The following LRRTM4 variants were observed in gnomAD, a reference collection of about 807,000 sequenced individuals.
LRRTM4 encodes leucine rich repeat transmembrane neuronal 4.
Under a neutral mutation model 47.6 loss-of-function variants are expected in LRRTM4, and 25 were observed. That is an observed-to-expected ratio of 0.53 (90% CI 0.38 to 0.73). LRRTM4 has a LOEUF of 0.73. Ranked by LOEUF, LRRTM4 falls within the 30% of genes least tolerant of loss-of-function variation. The probability of loss-of-function intolerance (pLI) is 0.00; values close to 1 mark genes in which losing one functional copy is unlikely to be tolerated. For synonymous variants in LRRTM4, 311 were observed against 269.5 expected (o/e 1.15, Z -1.51); for missense variants, 638 against 713.4 (o/e 0.89, Z 1.20).
At chr2:77,430,900 G>C (rs1348542247) in intron 3 of LRRTM4, among the ~76,000 whole-genome samples, 2 of 148,192 alleles carry the variant, frequency 1.3e-5, no homozygotes, top group East Asian at 3.9e-4. Context: ...AATCAGATGG[G>C]GGCCCAGATA....
Position 76,807,382 on chromosome 2 carries a change from T to TTATATATATA in LRRTM4, c.1552-58476_1552-58467dup, listed in dbSNP as rs72365054. Among the ~76,000 whole-genome samples, 7 of 126,872 alleles carry TTATATATATA rather than the reference T, an allele frequency of 5.5e-5. No homozygotes were observed. The Admixed American group carries it at 6.0e-4, about 11-fold the overall frequency. The allele number at this position is 126,872 out of a possible 152,430, so 83.2% of individuals were successfully genotyped here. A position where few individuals can be genotyped will look rare whatever the true frequency, so the allele number is the denominator to read the frequency against. ...AGAATATGCATTATAAACATTCATTTTATATATATATATATATGTATATAC... is the reference window on the plus strand; with the variant it reads ...AGAATATGCATTATAAACATTCATTTTATATATATATATATATATATATATATGTATATAC... On this transcript the variant is annotated intron_variant, in intron 3 of 3. Coordinates refer to ENST00000409884, the MANE Select transcript of LRRTM4 (RefSeq NM_001134745.3).
intron 3 of LRRTM4, among the ~76,000 whole-genome samples, chr2:76,913,823 A>T (rs1379972390): frequency 6.6e-6 from 1 of 151,862 alleles, no homozygotes; most frequent in Non-Finnish European, 1.5e-5. Flanking sequence ...ACAGGCGTGA[A>T]CCACCATGCC....
chr2:76,882,852 G>A (rs528986108), intron 3 of LRRTM4, among the ~76,000 whole-genome samples: 1 of 152,188 alleles, frequency 6.6e-6, no homozygotes, highest in East Asian at 1.9e-4. Context: ...ACAGACAGGA[G>A]TCCTGTCCCT....
chr2:77,243,608 T>G (rs922318773), intron 3 of LRRTM4, among the ~76,000 whole-genome samples: 2 of 151,868 alleles, frequency 1.3e-5, no homozygotes, highest in Non-Finnish European at 2.9e-5. Flanking sequence ...GTTCTAGAGA[T>G]AGTTGGTAGA....
rs1270681570 is a variant in LRRTM4, at chr2:76,803,564, C to G, written c.1552-54648G>C. Among the ~76,000 whole-genome samples, 2 of 152,072 alleles carry G rather than the reference C, an allele frequency of 1.3e-5. 1 individual carries two copies. Among genetic ancestry groups the G allele is most frequent in the East Asian group, 3.9e-4 (2 of 5,194 alleles). ...GTTTCTCAAAAAATTAAATATAAAA[C>G]TAACAGATGATTCGGCAATACCGCT... On this transcript the variant is annotated intron_variant, in intron 3 of 3. Coordinates refer to ENST00000409884, the MANE Select transcript of LRRTM4 (RefSeq NM_001134745.3).
intron 3 of LRRTM4, among the ~76,000 whole-genome samples, chr2:76,939,556 T>TCTG (rs1256405800): frequency 3.3e-5 from 5 of 151,958 alleles, no homozygotes; most frequent in Non-Finnish European, 7.4e-5. Flanking sequence ...ATAAAACAGA[T>TCTG]TTTTAGTTGC....
At chr2:76,802,710 G>C (rs775057369) in intron 3 of LRRTM4, among the ~76,000 whole-genome samples, 4 of 151,904 alleles carry the variant, frequency 2.6e-5, no homozygotes, top group Non-Finnish European at 4.4e-5. Context: ...TTCCTTCAAA[G>C]TATACTACAA....
intron 3 of LRRTM4, among the ~76,000 whole-genome samples, chr2:76,828,241 T>C (rs1482200743): frequency 6.6e-6 from 1 of 151,856 alleles, no homozygotes; most frequent in Non-Finnish European, 1.5e-5. Flanking sequence ...CTCTAAAGAG[T>C]TGCTGCTTCC....
intron 3 of LRRTM4, among the ~76,000 whole-genome samples, chr2:77,025,532 T>A (rs771329113): frequency 1.4e-4 from 22 of 152,172 alleles, no homozygotes; most frequent in Non-Finnish European, 2.9e-4. Context: ...TTCTCTCTCT[T>A]ATTAATAGTC....
intron 3 of LRRTM4, among the ~76,000 whole-genome samples, chr2:77,163,906 G>A (rs1459662722): frequency 6.6e-6 from 1 of 152,096 alleles, no homozygotes; most frequent in Non-Finnish European, 1.5e-5. Context: ...ATCAATTAAT[G>A]AGCAAAATAA....
rs186232921 is a variant in LRRTM4 at position 77,400,784 on chromosome 2, T to G, written c.1551+117534A>C. Among the ~76,000 whole-genome samples, 5 of 151,938 alleles carry G rather than the reference T, an allele frequency of 3.3e-5. No individual in the cohort carries two copies. The East Asian group carries it at 9.8e-4, about 30-fold the overall frequency. On this transcript the variant is annotated intron_variant, in intron 3 of 3. Transcript: ENST00000409884. ...AGAACACAGCAAATAAAATCCTGCC[T>G]CTGGGACTTTTTATCTTCCTGTTTA...
intron 3 of LRRTM4, among the ~76,000 whole-genome samples, chr2:77,300,389 ATAAC>A (rs1295359262): frequency 6.6e-6 from 1 of 152,186 alleles, no homozygotes; most frequent in Admixed American, 6.5e-5. Flanking sequence ...AGAGGACAAA[ATAAC>A]TAAGAGTTAA....
At chr2:76,897,138 C>G (rs1260275091) in intron 3 of LRRTM4, among the ~76,000 whole-genome samples, 2 of 152,088 alleles carry the variant, frequency 1.3e-5, no homozygotes, top group African/African-American at 4.8e-5. Flanking sequence ...TACACGTACT[C>G]TGAGAACTTG....
At chr2:77,041,378 G>C (rs1679027338) in intron 3 of LRRTM4, among the ~76,000 whole-genome samples, 1 of 151,382 alleles carries the variant, frequency 6.6e-6, no homozygotes, top group South Asian at 2.1e-4. Flanking sequence ...CAATAGACAT[G>C]GGAGTACAGG....
chr2:77,441,264 T>C (rs2103929383), intron 3 of LRRTM4, among the ~76,000 whole-genome samples: 1 of 152,314 alleles, frequency 6.6e-6, no homozygotes, highest in South Asian at 2.1e-4. Context: ...ACTTTAAATG[T>C]TTTTAATTAT....
chr2:76,930,199 G>A (rs902708124), intron 3 of LRRTM4, among the ~76,000 whole-genome samples: 4 of 152,066 alleles, frequency 2.6e-5, no homozygotes, highest in Non-Finnish European at 4.4e-5. Context: ...TAGGTAGGGG[G>A]TTTCCACTGC....
At chr2:77,491,447 A>G (rs1185159923) in intron 3 of LRRTM4, among the ~76,000 whole-genome samples, 2 of 152,138 alleles carry the variant, frequency 1.3e-5, no homozygotes, top group African/African-American at 2.4e-5. Context: ...ATTCCAAACA[A>G]TATCAATCCA....
chr2:77,483,192 T>C (rs111358754), intron 3 of LRRTM4, among the ~76,000 whole-genome samples: 1 of 150,784 alleles, frequency 6.6e-6, no homozygotes, highest in Non-Finnish European at 1.5e-5. Flanking sequence ...AGGTTCTAAT[T>C]TACAATGCAT....
intron 3 of LRRTM4, among the ~76,000 whole-genome samples, chr2:77,223,992 G>A (rs1391893334): frequency 6.6e-6 from 1 of 151,912 alleles, no homozygotes; most frequent in African/African-American, 2.4e-5. Context: ...AAACAGCATG[G>A]TACTGGTACC....
Sources: allele counts gnomAD v4.1 joint callset (sites outside exome capture counted in the v4.1 genomes callset), GRCh38; gene constraint gnomAD v4.1.1; transcripts MANE v1.5; gene names NCBI Gene and HGNC (gene_info 2026-07-23, HGNC 2026-07-21).